SLC25A21: variants seen among roughly 807,000 people sequenced by gnomAD.
The protein encoded by SLC25A21 is solute carrier family 25 member 21, also known as mitochondrial 2-oxodicarboxylate carrier.
SLC25A21 carries 47 observed loss-of-function variants against 43.8 expected under a neutral mutation model. The observed-to-expected ratio is 1.07, with a 90% CI of 0.85 to 1.37. SLC25A21 has a LOEUF of 1.37. SLC25A21 is among the 40% of genes most tolerant of loss of function. The pLI is 0.00. For synonymous variants in SLC25A21, 131 were observed against 121.3 expected, an observed-to-expected ratio of 1.08 and a Z score of -0.52; for missense variants, 352 against 350.2, an observed-to-expected ratio of 1.00 and a Z score of -0.04.
At chr14:37,128,540 G>C (rs7161084) in intron 1 of SLC25A21, among the ~76,000 whole-genome samples, 1,936 of 71,086 alleles carry the variant, frequency 0.027, 18 homozygotes, top group South Asian at 0.06. Context: ...CTCTCTCTCT[G>C]TGTGTGTGTG....
chr14:36,700,496 C>T (rs1360805474), intron 7 of SLC25A21, among the ~76,000 whole-genome samples: 1 of 152,132 alleles, frequency 6.6e-6, no homozygotes, highest in East Asian at 1.9e-4. Flanking sequence ...TGTGGGTATA[C>T]TCTGAAGAAA....
chr14:36,877,615 T>A (rs1169465), intron 1 of SLC25A21, among the ~76,000 whole-genome samples: 1 of 151,776 alleles, frequency 6.6e-6, no homozygotes, highest in South Asian at 2.1e-4. Context: ...GCTCAGAGTT[T>A]ATGGGAGCAC....
At chr14:37,099,899 T>G (rs1962784188) in intron 1 of SLC25A21, among the ~76,000 whole-genome samples, 1 of 152,048 alleles carries the variant, frequency 6.6e-6, no homozygotes. Flanking sequence ...ATATATTAAA[T>G]TTATATTTAA....
intron 1 of SLC25A21, among the ~76,000 whole-genome samples, chr14:36,967,134 G>C (rs536548352): frequency 6.6e-6 from 1 of 152,240 alleles, no homozygotes; most frequent in South Asian, 2.1e-4. Flanking sequence ...AGATTTATGG[G>C]TTGTAGGTCT....
chr14:36,711,439 T>G lies in SLC25A21; in HGVS notation c.482A>C (p.Glu161Ala), dbSNP rs1883863945. The G allele has an allele frequency of 6.2e-7, 1 of 1,613,964 alleles. No individual in the cohort carries two copies. Among genetic ancestry groups the G allele is most frequent in the Non-Finnish European group, 8.5e-7 (1 of 1,180,010 alleles). Residue 161 changes from glutamate (E) to alanine (A), a missense_variant, in exon 7 of 10, where the codon GAA (glutamate) becomes GCA (alanine). Physicochemically the swap from Glu to Ala is moderately radical, Grantham distance 107 (BLOSUM62 -1). Transcript: ENST00000331299. ...GTTGAGGCCCTGGAGTCCCCAGCCT[T>G]CCTTCTTAATGATTTGTCTTGCATA... is the stretch of plus-strand genomic sequence containing the variant. ...VGYARQIIKK[E>A]GWGLQGLNKG... is the part of the protein sequence containing the mutation.
chr14:36,794,387 C>G (rs1217205451), intron 3 of SLC25A21, among the ~76,000 whole-genome samples: 2 of 152,132 alleles, frequency 1.3e-5, no homozygotes, highest in Non-Finnish European at 2.9e-5. Context: ...TATGTAAATG[C>G]TGTTTCAGAC....
intron 7 of SLC25A21, among the ~76,000 whole-genome samples, chr14:36,700,779 TAAAC>T (rs1800353070): frequency 6.6e-6 from 1 of 152,104 alleles, no homozygotes; most frequent in African/African-American, 2.4e-5. Context: ...TAAAACATAA[TAAAC>T]AAAGAACCAA....
chr14:36,762,447 G>C (rs181100628), intron 3 of SLC25A21, among the ~76,000 whole-genome samples: 4 of 152,204 alleles, frequency 2.6e-5, no homozygotes, highest in Non-Finnish European at 5.9e-5. Context: ...CTGGTTCTGG[G>C]AACGGCAGCC....
chr14:36,927,336 G>C (rs552210170), intron 1 of SLC25A21, among the ~76,000 whole-genome samples: 1 of 152,214 alleles, frequency 6.6e-6, no homozygotes, highest in Admixed American at 6.5e-5. Flanking sequence ...TTAGACATAC[G>C]AACAAATCTG....
chr14:37,149,078 T>TAG (rs1963715140), intron 1 of SLC25A21, among the ~76,000 whole-genome samples: 1 of 152,064 alleles, frequency 6.6e-6, no homozygotes, highest in Non-Finnish European at 1.5e-5. Context: ...GCCTAGATGA[T>TAG]CCATTTTTTG....
intron 1 of SLC25A21, among the ~76,000 whole-genome samples, chr14:37,143,589 CGTGTGT>C (rs10531936): frequency 2.2e-4 from 33 of 148,638 alleles, no homozygotes; most frequent in Admixed American, 6.7e-4. Flanking sequence ...TGTTCATTAG[CGTGTGT>C]GTGTGTGTGT....
intron 1 of SLC25A21, among the ~76,000 whole-genome samples, chr14:36,907,328 T>C (rs1349712895): frequency 1.3e-5 from 2 of 152,136 alleles, no homozygotes; most frequent in East Asian, 3.9e-4. Flanking sequence ...AAAGAGCATA[T>C]ATTTTTGGCT....
chr14:36,903,614 GAAAAAAAAAAAAAA>G lies in SLC25A21; in HGVS notation c.71-28624_71-28611del, dbSNP rs71124784. Among the ~76,000 whole-genome samples the G allele has an allele frequency of 7.9e-4, 40 of 50,462 alleles. No individual in the cohort carries two copies. In the Admixed American group the frequency reaches 0.013, roughly 17 times the overall value. The allele number at this position is 50,462 out of a possible 152,430, so 33.1% of individuals were successfully genotyped here. On this transcript the variant is annotated intron_variant, in intron 1 of 9. Transcript: ENST00000331299. ...GGTGACAGAGTGAGACTCCGTCTCA[GAAAAAAAAAAAAAA>G]AAAAAAAAAAAAAAATTGGTCGCCA...
chr14:36,877,860 C>T (rs1391778634), intron 1 of SLC25A21, among the ~76,000 whole-genome samples: 2 of 152,114 alleles, frequency 1.3e-5, no homozygotes, highest in African/African-American at 2.4e-5. Context: ...TTAGTCACTT[C>T]CACTTTATCC....
intron 3 of SLC25A21, among the ~76,000 whole-genome samples, chr14:36,796,182 T>C (rs17105345): frequency 0.014 from 2,065 of 152,236 alleles, 45 homozygotes; most frequent in African/African-American, 0.046. Flanking sequence ...GATAACATAA[T>C]TGACAATTTA....
intron 1 of SLC25A21, among the ~76,000 whole-genome samples, chr14:37,056,479 A>C (rs1594772854): frequency 6.9e-6 from 1 of 145,184 alleles, no homozygotes. Context: ...CGACAGCGAG[A>C]CTCCATCTCA....
intron 1 of SLC25A21, among the ~76,000 whole-genome samples, chr14:37,064,634 A>G (rs1238900112): frequency 6.6e-6 from 1 of 152,140 alleles, no homozygotes; most frequent in African/African-American, 2.4e-5. Flanking sequence ...GTACCCCTTC[A>G]GGACTCACAG....
At chr14:37,000,325 T>C (rs1960460028) in intron 1 of SLC25A21, among the ~76,000 whole-genome samples, 1 of 152,100 alleles carries the variant, frequency 6.6e-6, no homozygotes, top group Admixed American at 6.6e-5. Flanking sequence ...TATTCCCCCG[T>C]TTTCTCTCAC....
At chr14:37,017,715 C>T (rs568381387) in intron 1 of SLC25A21, among the ~76,000 whole-genome samples, 1 of 151,842 alleles carries the variant, frequency 6.6e-6, no homozygotes, top group African/African-American at 2.4e-5. Flanking sequence ...TCTAAAATCA[C>T]TTATTATTAT....
Sources: gnomAD v4.1 joint callset for allele counts (sites outside exome capture counted in the v4.1 genomes callset) on GRCh38, gnomAD v4.1.1 for gene constraint, MANE v1.5 for transcripts, NCBI Gene and HGNC (gene_info 2026-07-23, HGNC 2026-07-21) for gene names.